LRWD1: variants seen among roughly 807,000 people sequenced by gnomAD.
LRWD1 encodes the protein leucine-rich repeat and WD repeat-containing protein 1.
A neutral mutation model predicts 75.6 loss-of-function variants in LRWD1; 76 were observed. The observed-to-expected ratio is 1.01, with a 90% CI of 0.84 to 1.22. The LOEUF (loss-of-function observed/expected upper bound fraction) is 1.22, where lower values mean the gene tolerates loss of function less well. Among genes scored for constraint, LRWD1 ranks in the 50% most tolerant of loss-of-function variants. The probability of loss-of-function intolerance (pLI) is 0.00; values close to 1 mark genes in which losing one functional copy is unlikely to be tolerated. For synonymous variants in LRWD1, 487 were observed against 377.0 expected, an observed-to-expected ratio of 1.29 and a Z score of -3.38; for missense variants, 917 against 862.0, an observed-to-expected ratio of 1.06 and a Z score of -0.80.
At chr7:102,466,663 C>A (rs1386179441) in intron 3 of LRWD1, among the ~76,000 whole-genome samples, 2 of 151,832 alleles carry the variant, frequency 1.3e-5, no homozygotes, top group African/African-American at 4.8e-5. Context: ...GGTGATCTGC[C>A]CGCCTTGGCC....
rs774114154 is a variant in LRWD1, at chr7:102,472,508, G to T, written c.1589G>T (p.Trp530Leu). The T allele has an allele frequency of 8.3e-5, 129 of 1,552,872 alleles. 2 individuals carry two copies. In the Middle Eastern group the frequency reaches 3.2e-3, roughly 38 times the overall value. ...TGCCTGTGGAGCTGGAGGCAGACGT[G>T]GGGGGGCCGGGGCAGCCAGTCCACG... ...TICLWSWRQT[W>L]GGRGSQSTVA... Residue 530 changes from tryptophan (W) to leucine (L), a missense_variant, in exon 13 of 15, where the codon TGG becomes TTG. Trp to Leu is a moderately conservative substitution (Grantham distance 61). Coordinates refer to ENST00000292616, the MANE Select transcript of LRWD1 (RefSeq NM_152892.3).
chr7:102,470,765 T>C (rs1798160323), intron 11 of LRWD1: 1 of 134,048 alleles, frequency 7.5e-6, no homozygotes, highest in Non-Finnish European at 1.7e-5. Flanking sequence ...TGCATTTCTA[T>C]TTATTTACTT....
chr7:102,466,651 T>C (rs865838580), intron 3 of LRWD1, among the ~76,000 whole-genome samples: 5 of 151,860 alleles, frequency 3.3e-5, no homozygotes, highest in Non-Finnish European at 5.9e-5. Context: ...CTCCTGGCCT[T>C]AGGTGATCTG....
Position 102,472,305 on chromosome 7 carries a change from C to T in LRWD1, c.1530C>T (p.Ile510=), listed in dbSNP as rs372960452. 106 of 1,572,684 alleles carry T rather than the reference C, an allele frequency of 6.7e-5. No homozygotes were observed. Among genetic ancestry groups the T allele is most frequent in the South Asian group, 3.7e-4 (32 of 86,232 alleles). ...VDGLAFVNED[I]VASKGSGLGT... is the part of the protein sequence containing the mutation. ...GGCTGGCATTTGTGAATGAGGACAT[C>T]GTGGGTGAGTGAGCTCAGCTTGTGG... Residue 510 remains isoleucine (I), a synonymous_variant, in exon 12 of 15, where the codon ATC becomes ATT. Transcript: ENST00000292616.
chr7:102,473,162 A>G lies in LRWD1; in HGVS notation c.*113A>G. ...ATATTTTTATTAAACTCTACTGTGG[A>G]CAAGAAGCCTGTGGAAAGGTGTTTC... On this transcript the variant is annotated 3_prime_UTR_variant, in exon 15 of 15. Transcript: ENST00000292616. 8.1e-7 allele frequency: 1 copy of G among 1,237,814 alleles called. No homozygotes were observed. 76.7% of individuals were successfully genotyped at this position (1,237,814 alleles called of 1,614,324 possible).
At position 102,469,738 on chromosome 7, in the gene LRWD1, G is replaced by A. The variant is rs776968198; in HGVS notation, c.1302-4G>A. Reference sequence around the variant, plus strand: ...ATGCTCTGTTCCCCCTTGCCCACTGGCAGCCAGCTGCTCACACTGGACACC... The same window carrying A: ...ATGCTCTGTTCCCCCTTGCCCACTGACAGCCAGCTGCTCACACTGGACACC... On this transcript the variant is annotated splice_region_variant and splice_polypyrimidine_tract_variant and intron_variant, in intron 10 of 14. Coordinates refer to ENST00000292616, the MANE Select transcript of LRWD1 (RefSeq NM_152892.3). 1 of 1,609,102 alleles carries A rather than the reference G, an allele frequency of 6.2e-7. No homozygotes were observed. The highest frequency in any genetic ancestry group is 2.2e-5 in the East Asian group (1 of 44,766).
chr7:102,472,668 C>G, intron 13 of LRWD1, 24 bp from the exon 14 acceptor site: 1 of 1,612,962 alleles, frequency 6.2e-7, no homozygotes, highest in Non-Finnish European at 8.5e-7. Context: ...TGCCCCCACT[C>G]AGACTCCACC....
chr7:102,468,358 C>G lies in LRWD1; in HGVS notation c.900C>G (p.Phe300Leu), dbSNP rs773848190. 1 of 1,609,450 alleles carries G rather than the reference C, an allele frequency of 6.2e-7. No homozygotes were observed. The change falls in exon 7 of 15, where the codon TTC becomes TTG. Residue 300 changes from phenylalanine to leucine, a missense_variant. Coordinates refer to ENST00000292616, the MANE Select transcript of LRWD1 (RefSeq NM_152892.3). Reference protein sequence around the residue: ...DLETQLWACAFEPAWEEGATS... With the variant: ...DLETQLWACALEPAWEEGATS... ...AGACCCAGCTGTGGGCCTGTGCCTT[C>G]GAGCCGGCCTGGGAGGAGGGTACAT...
Position 102,472,538 on chromosome 7 carries a change from C to A in LRWD1, c.1619C>A (p.Ala540Glu). 1 of 1,586,300 alleles carries A rather than the reference C, an allele frequency of 6.3e-7. No homozygotes were observed. The highest frequency in any genetic ancestry group is 1.1e-5 in the South Asian group (1 of 88,158). Residue 540 changes from alanine to glutamate, a missense_variant, in exon 13 of 15, where the codon GCA becomes GAA. Transcript: ENST00000292616. ...WGGRGSQSTV[A>E]VVVLARLQWS... is the part of the protein sequence containing the mutation. ...GGCCGGGGCAGCCAGTCCACGGTGG[C>A]AGTGGTGGTCCTGGCGCGGCTGCAA...
At chr7:102,467,938 C>T in intron 5 of LRWD1, 115 bp downstream of exon 5, 10 of 1,505,968 alleles carry the variant, frequency 6.6e-6, no homozygotes, top group Non-Finnish European at 8.9e-6. Context: ...TCCTGGCTCA[C>T]TCCCTAGGTG....
Position 102,467,905 on chromosome 7 carries a change from A to G in LRWD1, c.678+82A>G, listed in dbSNP as rs1438303785. 8.6e-6 allele frequency: 13 copies of G among 1,509,972 alleles called. No homozygotes were observed. The South Asian group carries it at 1.5e-4, about 17-fold the overall frequency. The allele number at this position is 1,509,972 out of a possible 1,614,324, so 93.5% of individuals were successfully genotyped here. A position where few individuals can be genotyped will look rare whatever the true frequency, so the allele number is the denominator to read the frequency against. On this transcript the variant is annotated intron_variant, in intron 5 of 14. Coordinates refer to ENST00000292616, the MANE Select transcript of LRWD1 (RefSeq NM_152892.3). ...TTCAGGAGACCAAGGCGTCCTGGGC[A>G]TGTGCCCAGGAAGCACCCCAGGTCC...
chr7:102,472,843 A>G (rs754498437), intron 14 of LRWD1, 39 bp downstream of exon 14: 1 of 1,611,888 alleles, frequency 6.2e-7, no homozygotes, highest in East Asian at 2.2e-5. Context: ...TGGGCTGGCA[A>G]GGCATCAGGG....
chr7:102,472,820 C>G lies in LRWD1; in HGVS notation c.1803+16C>G. ...CCCCACACAGGTACTGCCCGGCTCA[C>G]CCTGCCCAGGCTTGGGCTGGCAAGG... On this transcript the variant is annotated intron_variant, in intron 14 of 14. Transcript: ENST00000292616. The G allele has an allele frequency of 6.2e-7, 1 of 1,613,032 alleles. No homozygotes were observed. Among genetic ancestry groups the G allele is most frequent in the Non-Finnish European group, 8.5e-7 (1 of 1,179,682 alleles).
At chr7:102,468,032 A>AG in intron 5 of LRWD1, 30 bp from the exon 6 acceptor site, 1 of 1,598,148 alleles carries the variant, frequency 6.3e-7, no homozygotes, top group Non-Finnish European at 8.5e-7. Flanking sequence ...CCAGGCAGAC[A>AG]GGCCCATGGT....
At chr7:102,467,309 C>G in intron 3 of LRWD1, 30 bp from the exon 4 acceptor site, 2 of 1,571,382 alleles carry the variant, frequency 1.3e-6, no homozygotes, top group Non-Finnish European at 1.7e-6. Context: ...TGGGGTGGGC[C>G]GGGCCTGGAT....
In LRWD1 at chr7:102,469,580, C is replaced by T; in HGVS notation, c.1235C>T (p.Ser412Phe). Reference protein sequence around the residue: ...PAHETHLFTASYDKRIILWDI... With the variant: ...PAHETHLFTAFYDKRIILWDI... ...TACCCCACCCCCTCTTCAGCGGCCT[C>T]CTATGACAAGCGGATCATCCTCTGG... Residue 412 changes from serine (S) to phenylalanine (F), a missense_variant, in exon 10 of 15, where the codon TCC becomes TTC. Coordinates refer to ENST00000292616, the MANE Select transcript of LRWD1 (RefSeq NM_152892.3). The T allele has an allele frequency of 6.2e-7, 1 of 1,614,174 alleles. No homozygotes were observed. The highest frequency in any genetic ancestry group is 8.5e-7 in the Non-Finnish European group (1 of 1,179,994).
At position 102,472,501 on chromosome 7, in the gene LRWD1, C is replaced by T. The variant is rs1220891433; in HGVS notation, c.1582C>T (p.Gln528Ter). Residue 528 changes from glutamine to a stop codon, truncating the protein, a stop_gained, in exon 13 of 15, where the codon CAG becomes TAG. Transcript: ENST00000292616. LOFTEE classifies it high-confidence loss of function. The part of the protein sequence containing the change: ...LGTICLWSWR[Q>*]TWGGRGSQST... ...CACCATCTGCCTGTGGAGCTGGAGG[C>T]AGACGTGGGGGGGCCGGGGCAGCCA... 1 of 1,548,966 alleles carries T rather than the reference C, an allele frequency of 6.5e-7. No homozygotes were observed. The highest frequency in any genetic ancestry group is 1.2e-5 in the South Asian group (1 of 84,436).
In LRWD1 at chr7:102,469,793, C is replaced by G; in HGVS notation, c.1353C>G (p.Val451=). Residue 451 remains valine, a synonymous_variant, in exon 11 of 15, where the codon GTC becomes GTG. Coordinates refer to ENST00000292616, the MANE Select transcript of LRWD1 (RefSeq NM_152892.3). ...CTATCCCCCTGCGCCTCTGCCCTGT[C>G]GCCTCCTGCCCGGACGCCCGCCTGC... ...TTSIPLRLCP[V]ASCPDARLLA... The G allele has an allele frequency of 6.2e-7, 1 of 1,609,286 alleles. No homozygotes were observed. Among genetic ancestry groups the G allele is most frequent in the South Asian group, 1.1e-5 (1 of 90,706 alleles).
At position 102,469,783 on chromosome 7, in the gene LRWD1, T is replaced by TCTGCCCTGTCGCCTC; in HGVS notation, c.1350_1364dup (p.Val451_Pro455dup). 2 of 1,609,852 alleles carry TCTGCCCTGTCGCCTC rather than the reference T, an allele frequency of 1.2e-6. No homozygotes were observed. The highest frequency in any genetic ancestry group is 1.7e-6 in the Non-Finnish European group (2 of 1,177,734). On this transcript the variant is annotated inframe_insertion, in exon 11 of 15. Transcript: ENST00000292616. ...GACACCACCTCTATCCCCCTGCGCC[T>TCTGCCCTGTCGCCTC]CTGCCCTGTCGCCTCCTGCCCGGAC...
Sources: allele counts gnomAD v4.1 joint callset (sites outside exome capture counted in the v4.1 genomes callset), GRCh38; gene constraint gnomAD v4.1.1; transcripts MANE v1.5; gene names NCBI Gene and HGNC (gene_info 2026-07-23, HGNC 2026-07-21).